ZBTB7C: variants seen among roughly 807,000 people sequenced by gnomAD.
The protein encoded by ZBTB7C is zinc finger and BTB domain containing 7C.
Under a neutral mutation model 25.7 loss-of-function variants are expected in ZBTB7C, and 8 were observed. The observed-to-expected ratio is 0.31, with a 90% CI of 0.18 to 0.56. The LOEUF is 0.56. Among genes scored for constraint, ZBTB7C ranks in the 20% least tolerant of loss-of-function variants. The pLI is 0.91. For missense variants in ZBTB7C, 824 were observed against 855.2 expected (o/e 0.96, Z 0.46); for synonymous variants, 394 against 369.0 (o/e 1.07, Z -0.78).
At chr18:48,291,933 C>T (rs1388376083) in intron 2 of ZBTB7C, among the ~76,000 whole-genome samples, 4 of 152,132 alleles carry the variant, frequency 2.6e-5, no homozygotes, top group African/African-American at 4.8e-5. Flanking sequence ...CGTGGTGGCT[C>T]ACACCTGTAA....
chr18:48,410,329 C>G (rs769855862), upstream of ZBTB7C, among the ~76,000 whole-genome samples: 1 of 152,198 alleles, frequency 6.6e-6, no homozygotes, highest in East Asian at 1.9e-4. Context: ...CTCCGCACCC[C>G]ACACGCCGGG....
intron 2 of ZBTB7C, among the ~76,000 whole-genome samples, chr18:48,253,148 T>G (rs969339807): frequency 6.6e-6 from 1 of 151,716 alleles, no homozygotes; most frequent in African/African-American, 2.4e-5. Flanking sequence ...TGTGGGTGAA[T>G]AGGCAGAGCC....
chr18:48,036,703 C>G (rs145828829), intron 4 of ZBTB7C, among the ~76,000 whole-genome samples: 173 of 152,280 alleles, frequency 1.1e-3, no homozygotes, highest in African/African-American at 4.1e-3. Flanking sequence ...GTGGCGTGGC[C>G]TTGGAAGGGA....
chr18:48,191,285 G>A (rs1480473663), intron 2 of ZBTB7C, among the ~76,000 whole-genome samples: 5 of 152,170 alleles, frequency 3.3e-5, no homozygotes, highest in Non-Finnish European at 7.4e-5. Flanking sequence ...TAGCTCCCAG[G>A]AGGCCATGAT....
chr18:48,385,514 T>C (rs1198052183), intron 1 of ZBTB7C, among the ~76,000 whole-genome samples: 1 of 151,850 alleles, frequency 6.6e-6, no homozygotes, highest in Non-Finnish European at 1.5e-5. Context: ...CTGGAGAGAG[T>C]GGGTAGCACC....
At chr18:48,297,514 G>A (rs2045430105) in intron 2 of ZBTB7C, among the ~76,000 whole-genome samples, 1 of 152,080 alleles carries the variant, frequency 6.6e-6, no homozygotes, top group Non-Finnish European at 1.5e-5. Context: ...TCCACCCAAA[G>A]GGAAGCAGTG....
intron 3 of ZBTB7C, among the ~76,000 whole-genome samples, chr18:48,080,456 C>G (rs112381310): frequency 1.3e-5 from 2 of 152,224 alleles, no homozygotes; most frequent in African/African-American, 4.8e-5. Context: ...ACAAACAATG[C>G]TCTAATTAAT....
chr18:48,319,093 G>A (rs1238743738), intron 2 of ZBTB7C, among the ~76,000 whole-genome samples: 1 of 139,702 alleles, frequency 7.2e-6, no homozygotes, highest in Non-Finnish European at 1.6e-5. Flanking sequence ...GAGTATTCAT[G>A]AACGATGCCA....
At chr18:48,173,104 G>A (rs2041547387) in intron 3 of ZBTB7C, among the ~76,000 whole-genome samples, 1 of 152,168 alleles carries the variant, frequency 6.6e-6, no homozygotes, top group Non-Finnish European at 1.5e-5. Context: ...TGCCAGACAG[G>A]AGTGGACAGT....
chr18:48,030,214 C>G (rs7234957), intron 4 of ZBTB7C, among the ~76,000 whole-genome samples: 24,519 of 152,204 alleles, frequency 0.16, 2,365 homozygotes, highest in East Asian at 0.27. Context: ...ATCTCACATA[C>G]TGGGAAGATA....
At chr18:48,262,823 G>A (rs1029390631) in intron 2 of ZBTB7C, among the ~76,000 whole-genome samples, 15 of 152,114 alleles carry the variant, frequency 9.9e-5, no homozygotes, top group Non-Finnish European at 2.2e-4. Flanking sequence ...AGCCTACAGA[G>A]CATGCCCCAG....
intron 1 of ZBTB7C, among the ~76,000 whole-genome samples, chr18:48,374,923 T>C (rs1266511847): frequency 6.6e-6 from 1 of 152,196 alleles, no homozygotes; most frequent in Non-Finnish European, 1.5e-5. Flanking sequence ...AGAGAGTTCA[T>C]ACTGGCGGAA....
intron 1 of ZBTB7C, among the ~76,000 whole-genome samples, chr18:48,407,492 C>T (rs1275447517): frequency 6.6e-6 from 1 of 152,158 alleles, no homozygotes; most frequent in Non-Finnish European, 1.5e-5. Context: ...ATAAAGAGGC[C>T]ATGATGGGCT....
chr18:48,346,351 C>A (rs1013321899), intron 1 of ZBTB7C, among the ~76,000 whole-genome samples: 1 of 152,252 alleles, frequency 6.6e-6, no homozygotes, highest in African/African-American at 2.4e-5. Context: ...CTTCTATCCA[C>A]CCCTTCCTCA....
At chr18:48,108,682 C>T (rs1016583203) in intron 3 of ZBTB7C, among the ~76,000 whole-genome samples, 3 of 152,032 alleles carry the variant, frequency 2.0e-5, no homozygotes, top group African/African-American at 7.3e-5. Context: ...GCGATCCTCC[C>T]ACCTCAGCCT....
At chr18:48,043,174 T>C (rs1032482079) in intron 3 of ZBTB7C, among the ~76,000 whole-genome samples, 1 of 152,206 alleles carries the variant, frequency 6.6e-6, no homozygotes, top group East Asian at 1.9e-4. Flanking sequence ...TAGAAAATGA[T>C]TTGGCAGATC....
chr18:48,114,649 G>T (rs2039362491), intron 3 of ZBTB7C, among the ~76,000 whole-genome samples: 1 of 151,960 alleles, frequency 6.6e-6, no homozygotes, highest in Non-Finnish European at 1.5e-5. Flanking sequence ...TGCAAAGAAA[G>T]AAAACATGCA....
chr18:48,272,794 A>C (rs566687615), intron 2 of ZBTB7C, among the ~76,000 whole-genome samples: 1 of 152,364 alleles, frequency 6.6e-6, no homozygotes, highest in African/African-American at 2.4e-5. Context: ...TGGTATATCC[A>C]AACAGTGGAA....
chr18:48,338,915 G>GA (rs990883121), intron 1 of ZBTB7C, among the ~76,000 whole-genome samples: 1 of 151,912 alleles, frequency 6.6e-6, no homozygotes, highest in Admixed American at 6.6e-5. Flanking sequence ...GTTTGTTGGG[G>GA]GGGGGGGGTC....
Sources: allele counts gnomAD v4.1 joint callset (sites outside exome capture counted in the v4.1 genomes callset), GRCh38; gene constraint gnomAD v4.1.1; transcripts MANE v1.5; gene names NCBI Gene and HGNC (gene_info 2026-07-23, HGNC 2026-07-21).